Variants in PPP1R1C observed in about 807,000 individuals in gnomAD.
PPP1R1C encodes the protein protein phosphatase 1 regulatory inhibitor subunit 1C.
A neutral mutation model predicts 17.4 loss-of-function variants in PPP1R1C; 15 were observed. The ratio of observed to expected loss-of-function variants is 0.86; its 90% CI spans 0.58 to 1.33. The LOEUF (loss-of-function observed/expected upper bound fraction) is 1.33. Ranked by LOEUF, PPP1R1C falls within the 40% of genes most tolerant of loss-of-function variation. The pLI is 0.00. For missense variants in PPP1R1C, 143 were observed against 130.0 expected (o/e 1.10, Z -0.48); for synonymous variants, 35 against 43.1 (o/e 0.81, Z 0.73).
chr2:181,983,433 T>C (rs1304350860), upstream of PPP1R1C, among the ~76,000 whole-genome samples: 2 of 152,202 alleles, frequency 1.3e-5, no homozygotes, highest in Non-Finnish European at 2.9e-5. Flanking sequence ...GCACATGGTA[T>C]CATATAAGGG....
intron 2 of PPP1R1C, among the ~76,000 whole-genome samples, chr2:182,000,176 G>C (rs7425890): frequency 0.058 from 8,880 of 152,220 alleles, 506 homozygotes; most frequent in East Asian, 0.16. Flanking sequence ...CAGTCATTGT[G>C]ATGGTGGCCT....
intron 1 of PPP1R1C, among the ~76,000 whole-genome samples, chr2:181,972,740 G>A (rs377280902): frequency 3.9e-5 from 6 of 152,046 alleles, no homozygotes; most frequent in Admixed American, 6.6e-5. Flanking sequence ...CCTGAGGTGC[G>A]CCTAGAAAAT....
At chr2:182,024,328 T>A (rs2125165357) in intron 2 of PPP1R1C, among the ~76,000 whole-genome samples, 1 of 152,234 alleles carries the variant, frequency 6.6e-6, no homozygotes, top group South Asian at 2.1e-4. Flanking sequence ...AATATAAGAA[T>A]TAGAACCAAA....
intron 2 of PPP1R1C, among the ~76,000 whole-genome samples, chr2:182,058,791 T>G (rs1687763239): frequency 6.6e-6 from 1 of 152,164 alleles, no homozygotes; most frequent in South Asian, 2.1e-4. Context: ...ACCATGGCTC[T>G]TTAGGCTTTC....
At chr2:181,986,276 C>A (rs1361007577) in intron 1 of PPP1R1C, 85 bp downstream of exon 1, 1 of 1,129,316 alleles carries the variant, frequency 8.9e-7, no homozygotes, top group African/African-American at 1.5e-5. Flanking sequence ...GGTTCTTTAC[C>A]TTTTGATTTT....
chr2:182,030,472 G>C (rs982388216), intron 2 of PPP1R1C, among the ~76,000 whole-genome samples: 2 of 150,654 alleles, frequency 1.3e-5, no homozygotes, highest in Middle Eastern at 3.2e-3. Flanking sequence ...ATACCCTGCC[G>C]TGTGAGATGT....
intron 4 of PPP1R1C, among the ~76,000 whole-genome samples, chr2:182,086,704 C>T (rs1688638800): frequency 6.6e-6 from 1 of 152,128 alleles, no homozygotes; most frequent in South Asian, 2.1e-4. Context: ...AAGATAGGAA[C>T]TTAAGAATTA....
chr2:182,011,722 GTTC>G (rs1400549637), intron 2 of PPP1R1C, among the ~76,000 whole-genome samples: 4 of 151,866 alleles, frequency 2.6e-5, no homozygotes, highest in African/African-American at 9.7e-5. Flanking sequence ...GTTATTTGAA[GTTC>G]TTCTACTTTG....
At chr2:181,956,407 T>C (rs894840895) in intron 1 of PPP1R1C, among the ~76,000 whole-genome samples, 3 of 152,246 alleles carry the variant, frequency 2.0e-5, no homozygotes, top group Admixed American at 2.0e-4. Context: ...CCTTGGGGTA[T>C]ATACCCAGTA....
chr2:182,116,129 T>C (rs1689574546), intron 4 of PPP1R1C, among the ~76,000 whole-genome samples: 1 of 152,120 alleles, frequency 6.6e-6, no homozygotes, highest in African/African-American at 2.4e-5. Context: ...TTGAAAAAAA[T>C]CTAAAGATAG....
At position 182,018,473 on chromosome 2, in the gene PPP1R1C, C is replaced by T. The variant is rs1046489842; in HGVS notation, c.142+30574C>T. Reference sequence around the variant, plus strand: ...TCATGGAAGAGTTGGAGTTACATTCCAGGCATAGCTTGTGGAAAATCATGG... The same window carrying T: ...TCATGGAAGAGTTGGAGTTACATTCTAGGCATAGCTTGTGGAAAATCATGG... On this transcript the variant is annotated intron_variant, in intron 2 of 4. Coordinates refer to ENST00000682840, the MANE Select transcript of PPP1R1C (RefSeq NM_001080545.3). Among the ~76,000 whole-genome samples, 7 of 152,092 alleles carry T rather than the reference C, an allele frequency of 4.6e-5. No individual in the cohort carries two copies. The East Asian group carries it at 1.3e-3, about 29-fold the overall frequency.
intron 2 of PPP1R1C, among the ~76,000 whole-genome samples, chr2:182,000,277 G>C (rs1685724138): frequency 6.6e-6 from 1 of 152,126 alleles, no homozygotes; most frequent in Admixed American, 6.6e-5. Flanking sequence ...ATCAGGGCTT[G>C]GTAGTACTTA....
chr2:182,002,866 G>C (rs565728825), intron 2 of PPP1R1C, among the ~76,000 whole-genome samples: 1 of 149,790 alleles, frequency 6.7e-6, no homozygotes, highest in African/African-American at 2.4e-5. Context: ...TCTGTACATA[G>C]TCATTCTCAC....
chr2:182,089,980 C>T (rs1268286589), intron 4 of PPP1R1C, among the ~76,000 whole-genome samples: 2 of 151,808 alleles, frequency 1.3e-5, no homozygotes, highest in Non-Finnish European at 2.9e-5. Context: ...TCTTTTTATA[C>T]TTACATATTC....
At chr2:181,998,520 G>T (rs1685677740) in intron 2 of PPP1R1C, among the ~76,000 whole-genome samples, 1 of 152,102 alleles carries the variant, frequency 6.6e-6, no homozygotes, top group South Asian at 2.1e-4. Context: ...GAATAAGTCA[G>T]CCATTATAGA....
intron 1 of PPP1R1C, among the ~76,000 whole-genome samples, chr2:181,971,462 A>G (rs945729838): frequency 3.9e-5 from 6 of 152,042 alleles, no homozygotes; most frequent in Admixed American, 3.9e-4. Context: ...GTCCTCTTTA[A>G]TGTCCCCTCT....
chr2:182,074,852 A>C (rs1203462111), intron 4 of PPP1R1C, among the ~76,000 whole-genome samples: 2 of 152,228 alleles, frequency 1.3e-5, no homozygotes, highest in African/African-American at 2.4e-5. Context: ...AATGCTGTCA[A>C]ACAGTATACA....
chr2:182,104,614 A>G (rs1376373048), intron 4 of PPP1R1C, among the ~76,000 whole-genome samples: 1 of 152,206 alleles, frequency 6.6e-6, no homozygotes, highest in African/African-American at 2.4e-5. Context: ...TAGGTGATTT[A>G]CTAGTATTTA....
At chr2:182,086,837 G>A (rs1007453187) in intron 4 of PPP1R1C, among the ~76,000 whole-genome samples, 6 of 151,562 alleles carry the variant, frequency 4.0e-5, no homozygotes, top group African/African-American at 1.2e-4. Context: ...TATATGATTG[G>A]TCTGACAGAG....
Sources: allele counts gnomAD v4.1 joint callset (sites outside exome capture counted in the v4.1 genomes callset), GRCh38; gene constraint gnomAD v4.1.1; transcripts MANE v1.5; gene names NCBI Gene and HGNC (gene_info 2026-07-23, HGNC 2026-07-21).